Variants in GRIP1 observed in about 807,000 individuals in gnomAD.
GRIP1 encodes glutamate receptor interacting protein 1.
Under a neutral mutation model 129.9 loss-of-function variants are expected in GRIP1, and 45 were observed. The ratio of observed to expected loss-of-function variants is 0.35; its 90% confidence interval spans 0.27 to 0.44. The LOEUF is 0.44. Ranked by LOEUF, GRIP1 falls within the 20% of genes least tolerant of loss-of-function variation. The pLI is 1.00. For synonymous variants in GRIP1, 530 were observed against 520.8 expected, an observed-to-expected ratio of 1.02 and a Z score of -0.24; for missense variants, 1,196 against 1,396.8, an observed-to-expected ratio of 0.86 and a Z score of 2.29.
chr12:66,724,434 T>G (rs928959568), intron 1 of GRIP1, among the ~76,000 whole-genome samples: 8 of 152,212 alleles, frequency 5.3e-5, no homozygotes, highest in Admixed American at 5.2e-4. Flanking sequence ...GAAATTTCAC[T>G]GTATCACGGT....
chr12:66,498,490 T>C (rs1461591721), intron 7 of GRIP1, among the ~76,000 whole-genome samples: 1 of 152,222 alleles, frequency 6.6e-6, no homozygotes, highest in Non-Finnish European at 1.5e-5. Flanking sequence ...ATTTTCTACC[T>C]GGGCAAGTTA....
chr12:66,866,007 T>C (rs1309123010), intron 1 of GRIP1, among the ~76,000 whole-genome samples: 1 of 152,020 alleles, frequency 6.6e-6, no homozygotes, highest in Non-Finnish European at 1.5e-5. Flanking sequence ...AGAAGACAAA[T>C]AACCAAAGCC....
At chr12:66,387,517 C>T (rs373871402) in intron 19 of GRIP1, among the ~76,000 whole-genome samples, 4 of 152,168 alleles carry the variant, frequency 2.6e-5, no homozygotes, top group Non-Finnish European at 5.9e-5. Flanking sequence ...ATTGGCATAA[C>T]ATGTATACCA....
At chr12:66,358,940 C>G (rs573092043) in intron 23 of GRIP1, among the ~76,000 whole-genome samples, 16 of 152,268 alleles carry the variant, frequency 1.1e-4, no homozygotes, top group African/African-American at 3.9e-4. Context: ...TGCTTATGTC[C>G]CACTCTGGCT....
At chr12:66,509,314 C>A (rs2060625958) in intron 7 of GRIP1, among the ~76,000 whole-genome samples, 1 of 152,144 alleles carries the variant, frequency 6.6e-6, no homozygotes, top group Non-Finnish European at 1.5e-5. Context: ...GAGCACTTTA[C>A]ATGTATTCAC....
At chr12:66,540,213 T>G (rs1458788944) in intron 3 of GRIP1, among the ~76,000 whole-genome samples, 2 of 152,222 alleles carry the variant, frequency 1.3e-5, no homozygotes, top group East Asian at 3.9e-4. Flanking sequence ...TTTTATGCCT[T>G]ATCTCCACTA....
chr12:66,706,695 AAGG>A (rs2035539490), intron 1 of GRIP1, among the ~76,000 whole-genome samples: 2 of 152,106 alleles, frequency 1.3e-5, no homozygotes, highest in Non-Finnish European at 2.9e-5. Flanking sequence ...CATAAAAAGG[AAGG>A]AGATCATGCC....
intron 1 of GRIP1, among the ~76,000 whole-genome samples, chr12:66,753,265 C>T (rs187264639): frequency 6.6e-6 from 1 of 152,256 alleles, no homozygotes; most frequent in East Asian, 1.9e-4. Flanking sequence ...ATATATTTTC[C>T]AACCTCTCTT....
intron 1 of GRIP1, among the ~76,000 whole-genome samples, chr12:66,871,108 A>G (rs1361096885): frequency 6.6e-6 from 1 of 151,274 alleles, no homozygotes; most frequent in Admixed American, 6.6e-5. Flanking sequence ...ACAAAGTTAG[A>G]GGTTGGAACC....
At chr12:66,454,048 C>A (rs922913284) in intron 11 of GRIP1, among the ~76,000 whole-genome samples, 6 of 152,190 alleles carry the variant, frequency 3.9e-5, no homozygotes, top group Admixed American at 3.3e-4. Context: ...GATGACAAAT[C>A]TCCTTATATG....
At chr12:66,531,723 T>A in intron 4 of GRIP1, among the ~76,000 whole-genome samples, 1 of 152,090 alleles carries the variant, frequency 6.6e-6, no homozygotes, top group Middle Eastern at 3.2e-3. Context: ...ACAAAAAAAA[T>A]TGAGTTCATT....
At chr12:66,547,815 TGTG>T (rs1292647541) in intron 2 of GRIP1, among the ~76,000 whole-genome samples, 1 of 152,138 alleles carries the variant, frequency 6.6e-6, no homozygotes, top group Non-Finnish European at 1.5e-5. Flanking sequence ...GATTGATCCT[TGTG>T]GTGATGGATA....
intron 1 of GRIP1, among the ~76,000 whole-genome samples, chr12:66,749,812 G>A (rs370465563): frequency 6.6e-5 from 10 of 152,144 alleles, no homozygotes; most frequent in Non-Finnish European, 1.2e-4. Context: ...AAAATTCCCC[G>A]GAGATGTCAG....
At chr12:66,621,566 C>G (rs2065267635) in intron 1 of GRIP1, among the ~76,000 whole-genome samples, 1 of 152,088 alleles carries the variant, frequency 6.6e-6, no homozygotes, top group Non-Finnish European at 1.5e-5. Flanking sequence ...CAGTGAGGTA[C>G]AAGTATCTGT....
chr12:66,400,401 G>A (rs967279766), intron 16 of GRIP1, among the ~76,000 whole-genome samples: 1 of 152,142 alleles, frequency 6.6e-6, no homozygotes, highest in Non-Finnish European at 1.5e-5. Context: ...ATCATTCTTG[G>A]GAGCTTGGAA....
At chr12:66,491,380 C>T (rs2060100100) in intron 7 of GRIP1, among the ~76,000 whole-genome samples, 1 of 152,174 alleles carries the variant, frequency 6.6e-6, no homozygotes, top group South Asian at 2.1e-4. Flanking sequence ...CCAAATACTG[C>T]ATGTCCTCAT....
intron 1 of GRIP1, among the ~76,000 whole-genome samples, chr12:66,951,463 T>C (rs1016858815): frequency 6.6e-6 from 1 of 152,022 alleles, no homozygotes; most frequent in South Asian, 2.1e-4. Context: ...ACAGAGACCA[T>C]GGGGAGAAAC....
At chr12:66,588,748 A>T (rs2063734699) in intron 2 of GRIP1, among the ~76,000 whole-genome samples, 1 of 152,046 alleles carries the variant, frequency 6.6e-6, no homozygotes, top group Non-Finnish European at 1.5e-5. Context: ...AGGCAGGTAG[A>T]TCATGAGGTC....
At position 66,678,662 on chromosome 12, in the gene GRIP1, C is replaced by T. The variant is rs558409512; in HGVS notation, c.55+188G>A. ...TTCATAATTTCAGCACGAACACAAC[C>T]GAGATGTAAGGACAGAAAGCAAAGC... is the stretch of plus-strand genomic sequence containing the variant. On this transcript the variant is annotated intron_variant, in intron 1 of 24. Transcript: ENST00000359742. 1.1e-4 allele frequency among the ~76,000 whole-genome samples: 16 copies of T among 151,898 alleles called. 2 individuals are homozygous for T. The Middle Eastern group carries it at 0.01, about 98-fold the overall frequency.
Sources: allele counts gnomAD v4.1 joint callset (sites outside exome capture counted in the v4.1 genomes callset), GRCh38; gene constraint gnomAD v4.1.1; transcripts MANE v1.5; gene names NCBI Gene and HGNC (gene_info 2026-07-23, HGNC 2026-07-21).